Variants in DNAJA3 observed in about 807,000 individuals in gnomAD.
DNAJA3 encodes the protein DnaJ heat shock protein family (Hsp40) member A3.
DNAJA3 carries 29 observed loss-of-function variants against 54.9 expected under a neutral mutation model. That is an observed-to-expected ratio of 0.53 (90% CI 0.39 to 0.72). The LOEUF (loss-of-function observed/expected upper bound fraction) is 0.72, where lower values mean the gene tolerates loss of function less well. Among genes scored for constraint, DNAJA3 ranks in the 30% least tolerant of loss-of-function variants. The pLI is 0.00. For synonymous variants in DNAJA3, 302 were observed against 251.4 expected (o/e 1.20, Z -1.90); for missense variants, 708 against 639.4 (o/e 1.11, Z -1.16).
At chr16:4,453,491 G>A (rs748039070) in intron 10 of DNAJA3, among the ~76,000 whole-genome samples, 1 of 151,510 alleles carries the variant, frequency 6.6e-6, no homozygotes, top group Non-Finnish European at 1.5e-5. Flanking sequence ...GGGCCGGAGT[G>A]CAGTGGCGTG....
chr16:4,438,331 G>A (rs1031723564), intron 3 of DNAJA3, among the ~76,000 whole-genome samples: 3 of 150,490 alleles, frequency 2.0e-5, no homozygotes, highest in East Asian at 2.0e-4. Flanking sequence ...AAAAAAAAAA[G>A]AACAGGATCC....
rs1213412446 is a variant in DNAJA3 at position 4,448,747 on chromosome 16, TCAGA to T, written c.1146_1149del (p.Asp383ArgfsTer33). On this transcript the variant is annotated frameshift_variant, in exon 9 of 12. Transcript: ENST00000262375. LOFTEE classifies it high-confidence loss of function. ...TTTCTTTATAGATCCCCCCTGGGACTCAGACAGACCAGAAGATTCGGATGGGTGG... is the reference window on the plus strand; with the variant it reads ...TTTCTTTATAGATCCCCCCTGGGACTCAGACCAGAAGATTCGGATGGGTGG... 5 of 1,613,854 alleles carry T rather than the reference TCAGA, an allele frequency of 3.1e-6. No individual in the cohort carries two copies. Among genetic ancestry groups the T allele is most frequent in the Non-Finnish European group, 4.2e-6 (5 of 1,179,930 alleles).
At chr16:4,455,480 C>A in intron 11 of DNAJA3, 66 bp from the exon 12 acceptor site, 1 of 1,530,940 alleles carries the variant, frequency 6.5e-7, no homozygotes. Context: ...TTAACAGACG[C>A]TCCCCACAGG....
intron 3 of DNAJA3, chr16:4,441,028 A>G: frequency 3.2e-6 from 1 of 315,014 alleles, no homozygotes; most frequent in Non-Finnish European, 5.9e-6. Context: ...TAAATTCTCT[A>G]CGAGGTAATG....
chr16:4,440,269 A>G (rs1302284076), intron 3 of DNAJA3: 1 of 152,030 alleles, frequency 6.6e-6, no homozygotes, highest in East Asian at 1.9e-4. Context: ...TAAAGAAAAA[A>G]AAAGTAAGAC....
At chr16:4,439,701 G>T (rs113501286) in intron 3 of DNAJA3, among the ~76,000 whole-genome samples, 1 of 152,126 alleles carries the variant, frequency 6.6e-6, no homozygotes, top group Non-Finnish European at 1.5e-5. Context: ...GAACCTAAGA[G>T]CAGCAATTCC....
chr16:4,440,545 C>T lies in DNAJA3; in HGVS notation c.430-830C>T, dbSNP rs563763062. On this transcript the variant is annotated intron_variant, in intron 3 of 11. Transcript: ENST00000262375. ...GGCAGAGGTTGCAGTGAGCCGAGAT[C>T]GCGCCACTGCACTCCAGCCTGGCGA... is the stretch of plus-strand genomic sequence containing the variant. 7.3e-5 allele frequency: 11 copies of T among 149,782 alleles called. No individual in the cohort carries two copies. In the South Asian group the frequency reaches 1.7e-3, roughly 23 times the overall value. The allele number at this position is 149,782 out of a possible 1,614,324, so 9.3% of individuals were successfully genotyped here.
At chr16:4,439,314 C>A (rs1362562277) in intron 3 of DNAJA3, among the ~76,000 whole-genome samples, 2 of 151,560 alleles carry the variant, frequency 1.3e-5, no homozygotes. Context: ...GAAGATTGCG[C>A]CATTGTACTC....
rs1054939678 is a variant in DNAJA3, at chr16:4,455,650, C to T, written c.*118C>T. 4 of 1,498,736 alleles carry T rather than the reference C, an allele frequency of 2.7e-6. No individual in the cohort carries two copies. Among genetic ancestry groups the T allele is most frequent in the Non-Finnish European group, 3.6e-6 (4 of 1,099,532 alleles). The allele number at this position is 1,498,736 out of a possible 1,614,324, so 92.8% of individuals were successfully genotyped here. ...AGAACAGCAGCACTGAGCTCCCACC[C>T]GCAGAGCCTCTGGACGGCCTTGGCA... On this transcript the variant is annotated 3_prime_UTR_variant, in exon 12 of 12. Coordinates refer to ENST00000262375, the MANE Select transcript of DNAJA3 (RefSeq NM_005147.6).
intron 8 of DNAJA3, among the ~76,000 whole-genome samples, chr16:4,448,461 A>C (rs908957603): frequency 2.0e-5 from 3 of 151,900 alleles, no homozygotes; most frequent in African/African-American, 7.3e-5. Context: ...CTCCTACCTC[A>C]GCCTCCTGAG....
At chr16:4,450,592 G>A (rs957129379) in intron 10 of DNAJA3, 95 bp downstream of exon 10, 31 of 968,744 alleles carry the variant, frequency 3.2e-5, no homozygotes, top group Non-Finnish European at 4.2e-5. Context: ...TTTCCACTTC[G>A]GGTTCTTCAT....
intron 2 of DNAJA3, among the ~76,000 whole-genome samples, chr16:4,434,724 T>C (rs559299405): frequency 1.3e-5 from 2 of 152,004 alleles, no homozygotes; most frequent in Non-Finnish European, 2.9e-5. Flanking sequence ...AAGAGGTGAG[T>C]CCAAACCAGA....
At chr16:4,450,956 C>T (rs1207048516) in intron 10 of DNAJA3, among the ~76,000 whole-genome samples, 3 of 152,242 alleles carry the variant, frequency 2.0e-5, no homozygotes, top group African/African-American at 2.4e-5. Context: ...GCAGTGGAGC[C>T]GCAGTCAGCA....
intron 10 of DNAJA3, among the ~76,000 whole-genome samples, chr16:4,453,973 C>T (rs7191806): frequency 0.033 from 5,038 of 152,258 alleles, 288 homozygotes; most frequent in African/African-American, 0.11. Context: ...GTGTGCACTC[C>T]TTGTCTAGTA....
chr16:4,449,285 C>T (rs1373712762), intron 9 of DNAJA3, among the ~76,000 whole-genome samples: 1 of 152,176 alleles, frequency 6.6e-6, no homozygotes, highest in Non-Finnish European at 1.5e-5. Context: ...CGTGAGCCAC[C>T]ATGCCCGGCC....
chr16:4,434,309 G>A (rs1323727289), intron 1 of DNAJA3, 75 bp from the exon 2 acceptor site: 1 of 1,511,504 alleles, frequency 6.6e-7, no homozygotes, highest in Non-Finnish European at 9.0e-7. Context: ...GATATAGCCT[G>A]GTGGGTCATG....
At chr16:4,434,549 A>G in intron 2 of DNAJA3, 32 bp downstream of exon 2, 1 of 1,603,474 alleles carries the variant, frequency 6.2e-7, no homozygotes, top group East Asian at 2.2e-5. Flanking sequence ...TGGTGACCAA[A>G]TTGTAGTAGG....
At chr16:4,434,238 T>C (rs1271716532) in intron 1 of DNAJA3, 146 bp from the exon 2 acceptor site, 1 of 856,434 alleles carries the variant, frequency 1.2e-6, no homozygotes, top group Non-Finnish European at 1.8e-6. Context: ...GGAACTAAAA[T>C]TCTAGTTGAG....
At chr16:4,450,822 A>T (rs892843710) in intron 10 of DNAJA3, among the ~76,000 whole-genome samples, 1 of 152,164 alleles carries the variant, frequency 6.6e-6, no homozygotes, top group Admixed American at 6.5e-5. Context: ...ACCTCGGACA[A>T]ATCCTTCCCT....
Sources: allele counts gnomAD v4.1 joint callset (sites outside exome capture counted in the v4.1 genomes callset), GRCh38; gene constraint gnomAD v4.1.1; transcripts MANE v1.5; gene names NCBI Gene and HGNC (gene_info 2026-07-23, HGNC 2026-07-21).